The following CDH22 variants were observed in gnomAD, a reference collection of about 807,000 sequenced individuals.
The protein encoded by CDH22 is cadherin 22.
Under a neutral mutation model 58.4 loss-of-function variants are expected in CDH22, and 30 were observed. That is an observed-to-expected ratio of 0.51 (90% CI 0.38 to 0.70). The LOEUF (loss-of-function observed/expected upper bound fraction) is 0.70, where lower values mean the gene tolerates loss of function less well. CDH22 is among the 30% of genes least tolerant of loss of function. The pLI is 0.00. For missense variants in CDH22, 1,014 were observed against 1,233.9 expected (o/e 0.82, Z 2.67); for synonymous variants, 513 against 558.2 (o/e 0.92, Z 1.14).
chr20:46,179,356 A>G (rs1600683457), intron 10 of CDH22, among the ~76,000 whole-genome samples: 1 of 151,964 alleles, frequency 6.6e-6, no homozygotes, highest in Non-Finnish European at 1.5e-5. Flanking sequence ...TGGGTTCCTT[A>G]CCCTGCTTCG....
rs1290023295 is a variant in CDH22, at chr20:46,174,855, C to T, written c.2138G>A (p.Gly713Asp). ...GGGGCTGCCCGCGCCCCCGCCCGAG[C>T]CCCCGCCCGCTCCCCCGCCCGCGCT... ...GGSAGGGAGG[G>D]SGGGAGSPPQ... The change falls in exon 12 of 12, where the codon GGC becomes GAC. Residue 713 changes from glycine to aspartate, a missense_variant. Physicochemically the swap from Gly to Asp is moderately conservative, Grantham distance 94. Around this residue, in one of 2 missense-constraint regions of CDH22, gnomAD observed 208 missense variants for 195.2 expected, o/e 1.07. Coordinates refer to ENST00000537909, the MANE Select transcript of CDH22 (RefSeq NM_021248.3). The surrounding 1 kb of genome is among the most constrained non-coding windows in gnomAD (Gnocchi z 4.4). 10 of 1,260,770 alleles carry T rather than the reference C, an allele frequency of 7.9e-6. No individual in the cohort carries two copies. The highest frequency in any genetic ancestry group is 1.6e-5 in the African/African-American group (1 of 63,132). 78.1% of individuals were successfully genotyped at this position (1,260,770 alleles called of 1,614,324 possible). A position where few individuals can be genotyped will look rare whatever the true frequency, so the allele number is the denominator to read the frequency against.
chr20:46,183,702 T>G (rs1477883342), intron 10 of CDH22, among the ~76,000 whole-genome samples: 3 of 152,172 alleles, frequency 2.0e-5, no homozygotes, highest in African/African-American at 7.2e-5. Flanking sequence ...GTTATAAACA[T>G]GAGCCTTACA....
At chr20:46,240,900 C>T in intron 3 of CDH22, 63 bp downstream of exon 3, 1 of 1,444,078 alleles carries the variant, frequency 6.9e-7, no homozygotes. Flanking sequence ...ACTCCCCTTC[C>T]CAGCAGGCTC....
chr20:46,299,889 G>A (rs1038179856), intron 1 of CDH22, among the ~76,000 whole-genome samples: 13 of 152,166 alleles, frequency 8.5e-5, no homozygotes, highest in African/African-American at 2.9e-4. Context: ...CATAAATAGC[G>A]CTGTTGGAGT....
chr20:46,301,765 T>G (rs1443518589), intron 1 of CDH22, among the ~76,000 whole-genome samples: 1 of 152,146 alleles, frequency 6.6e-6, no homozygotes, highest in East Asian at 1.9e-4. Context: ...GAACCGAGAT[T>G]GCGCCCTTGC....
intron 1 of CDH22, among the ~76,000 whole-genome samples, chr20:46,294,908 G>A (rs185929652): frequency 3.9e-5 from 6 of 152,316 alleles, no homozygotes; most frequent in Non-Finnish European, 7.4e-5. Flanking sequence ...CCTGGCACCC[G>A]GCAGACAGTA....
chr20:46,282,093 A>G (rs2086553522), intron 1 of CDH22, among the ~76,000 whole-genome samples: 1 of 152,254 alleles, frequency 6.6e-6, no homozygotes, highest in Non-Finnish European at 1.5e-5. Context: ...TTGTCCCCAA[A>G]GATACCGATA....
Position 46,227,593 on chromosome 20 carries a change from C to T in CDH22, c.585G>A (p.Ala195=), listed in dbSNP as rs201047090. 51 of 1,612,984 alleles carry T rather than the reference C, an allele frequency of 3.2e-5. No homozygotes were observed. The East Asian group carries it at 4.5e-4, about 14-fold the overall frequency. The part of the protein sequence containing the change: ...TSVMQVMASD[A]DDPTYGSSAR... The stretch of plus-strand genomic sequence containing the variant: ...CGCTGCTGCCGTACGTGGGGTCATC[C>T]GCATCCGAGGCCATCACCTGCATCA... The change falls in exon 4 of 12, where the codon GCG becomes GCA. Residue 195 remains alanine (A), a synonymous_variant. Transcript: ENST00000537909.
chr20:46,267,011 T>C (rs1023775375), intron 1 of CDH22, among the ~76,000 whole-genome samples: 2 of 152,152 alleles, frequency 1.3e-5, no homozygotes, highest in Non-Finnish European at 2.9e-5. Context: ...CTGTACTTTT[T>C]GACCACTCTG....
chr20:46,236,986 C>G (rs1480675795), intron 3 of CDH22, among the ~76,000 whole-genome samples: 2 of 152,174 alleles, frequency 1.3e-5, no homozygotes. Flanking sequence ...GGCCACCGCA[C>G]CTGGCCTATT....
chr20:46,188,549 C>G (rs75872042), intron 8 of CDH22, among the ~76,000 whole-genome samples: 5,163 of 152,254 alleles, frequency 0.034, 128 homozygotes, highest in Non-Finnish European at 0.044. Context: ...GGTGAAGAGA[C>G]AGATTGAGTT....
intron 8 of CDH22, among the ~76,000 whole-genome samples, chr20:46,189,995 G>T (rs1434764738): frequency 6.6e-6 from 1 of 151,778 alleles, no homozygotes. Flanking sequence ...CTGTAGCAAG[G>T]TTTGCAAACC....
chr20:46,293,650 G>A (rs1032980615), intron 1 of CDH22, among the ~76,000 whole-genome samples: 7 of 152,182 alleles, frequency 4.6e-5, no homozygotes, highest in Non-Finnish European at 8.8e-5. Flanking sequence ...TCCTGGTTTT[G>A]GGGGTGGGGA....
At chr20:46,211,110 C>A (rs990226543) in intron 6 of CDH22, among the ~76,000 whole-genome samples, 1 of 152,210 alleles carries the variant, frequency 6.6e-6, no homozygotes, top group Non-Finnish European at 1.5e-5. Context: ...TGCCTTAGAG[C>A]TTTCCTCTGA....
chr20:46,257,954 G>A (rs969773417), intron 1 of CDH22, among the ~76,000 whole-genome samples: 2 of 152,202 alleles, frequency 1.3e-5, no homozygotes, highest in East Asian at 1.9e-4. Flanking sequence ...GCTGTAGGGA[G>A]GGAGTGGTGA....
At chr20:46,196,672 A>G (rs1242606318) in intron 8 of CDH22, among the ~76,000 whole-genome samples, 1 of 152,132 alleles carries the variant, frequency 6.6e-6, no homozygotes, top group East Asian at 1.9e-4. Flanking sequence ...GGGGTTGGGA[A>G]CCTGGACAAA....
rs1423241374 is a variant in CDH22 at position 46,251,275 on chromosome 20, C to A, written c.20G>T (p.Gly7Val). 1 of 1,461,190 alleles carries A rather than the reference C, an allele frequency of 6.8e-7. No homozygotes were observed. The allele number at this position is 1,461,190 out of a possible 1,614,324, so 90.5% of individuals were successfully genotyped here. Residue 7 changes from glycine (G) to valine (V), a missense_variant, in exon 2 of 12, where the codon GGT becomes GTT. This residue lies in a region of CDH22 where 806 missense variants were observed against 1,038.7 expected (regional missense o/e 0.78). Coordinates refer to ENST00000537909, the MANE Select transcript of CDH22 (RefSeq NM_021248.3). This position sits in a 1 kb window ranked among gnomAD's most constrained non-coding sequence, Gnocchi z 6.7. MRPRPE[G>V]RGLRAGVALS... ...CGCGACTCCCGCCCGGAGCCCCCTACCTTCGGGCCTCGGCCTCATCCTTGG... is the reference window on the plus strand; with the variant it reads ...CGCGACTCCCGCCCGGAGCCCCCTAACTTCGGGCCTCGGCCTCATCCTTGG...
chr20:46,240,240 T>C (rs2086280122), intron 3 of CDH22, among the ~76,000 whole-genome samples: 1 of 152,122 alleles, frequency 6.6e-6, no homozygotes, highest in Admixed American at 6.5e-5. Flanking sequence ...TCATGTCTGC[T>C]TGTGGCTTTT....
At chr20:46,178,791 C>T (rs2085762681) in intron 10 of CDH22, among the ~76,000 whole-genome samples, 1 of 152,028 alleles carries the variant, frequency 6.6e-6, no homozygotes, top group African/African-American at 2.4e-5. Flanking sequence ...TCTTTCTGTC[C>T]TTCATACCCC....
Sources: allele counts gnomAD v4.1 joint callset (sites outside exome capture counted in the v4.1 genomes callset), GRCh38; gene constraint gnomAD v4.1.1; regional missense constraint gnomAD v4.1.1; non-coding constraint Gnocchi (gnomAD v3.1); transcripts MANE v1.5; gene names NCBI Gene and HGNC (gene_info 2026-07-23, HGNC 2026-07-21).